Variants in TRMT44 observed in about 807,000 individuals in gnomAD.
TRMT44 encodes tRNA methyltransferase 44 homolog, also known as probable tRNA (uracil-O(2)-)-methyltransferase.
Under a neutral mutation model 77.3 loss-of-function variants are expected in TRMT44, and 78 were observed. That is an observed-to-expected ratio of 1.01 (90% CI 0.84 to 1.22). The LOEUF (loss-of-function observed/expected upper bound fraction) is 1.22. Among genes scored for constraint, TRMT44 ranks in the 50% most tolerant of loss-of-function variants. The probability of loss-of-function intolerance (pLI) is 0.00; values close to 1 mark genes in which losing one functional copy is unlikely to be tolerated. For missense variants in TRMT44, 1,090 were observed against 964.4 expected (o/e 1.13, Z -1.73); for synonymous variants, 391 against 383.3 (o/e 1.02, Z -0.23).
At chr4:8,475,037 C>A (rs1171925580) in intron 10 of TRMT44, among the ~76,000 whole-genome samples, 1 of 152,206 alleles carries the variant, frequency 6.6e-6, no homozygotes, top group African/African-American at 2.4e-5. Flanking sequence ...GGCAGGTCCC[C>A]CTTCGTGTTC....
chr4:8,514,571 G>A, the TRMT44 span, among the ~76,000 whole-genome samples: 1 of 151,870 alleles, frequency 6.6e-6, no homozygotes, highest in African/African-American at 2.4e-5. Context: ...GCCACTGCGT[G>A]CACTACCTTT....
At chr4:8,465,355 G>A (rs1315221999) in intron 7 of TRMT44, 23 bp from the exon 8 acceptor site, 1 of 1,597,504 alleles carries the variant, frequency 6.3e-7, no homozygotes, top group Non-Finnish European at 8.5e-7. Context: ...GCTTGACCCT[G>A]TGGTTGTTGG....
At chr4:8,466,293 C>A (rs891930280) in intron 8 of TRMT44, among the ~76,000 whole-genome samples, 35 of 152,366 alleles carry the variant, frequency 2.3e-4, no homozygotes, top group African/African-American at 8.2e-4. Flanking sequence ...AGTGAAGCCT[C>A]GGCTCTGCTG....
chr4:8,471,134 C>T lies in TRMT44; in HGVS notation c.1978C>T (p.Arg660Trp), dbSNP rs138949000. The T allele has an allele frequency of 4.7e-5, 75 of 1,608,310 alleles. No homozygotes were observed. The highest frequency in any genetic ancestry group is 5.4e-5 in the Non-Finnish European group (63 of 1,177,056). Reference sequence around the variant, plus strand: ...CAACGAGCTGGACACGGAGACCCTGCGGAGGCTGAAGCGGGAGTGTGGGGG... The same window carrying T: ...CAACGAGCTGGACACGGAGACCCTGTGGAGGCTGAAGCGGGAGTGTGGGGG... ...VANELDTETL[R>W]RLKRECGGLQ... Residue 660 changes from arginine to tryptophan, a missense_variant, in exon 10 of 11, where the codon CGG becomes TGG. Physicochemically the swap from Arg to Trp is moderately radical, Grantham distance 101. Transcript: ENST00000389737.
At chr4:8,456,329 C>T (rs1187189820) in intron 6 of TRMT44, among the ~76,000 whole-genome samples, 4 of 152,168 alleles carry the variant, frequency 2.6e-5, no homozygotes, top group Non-Finnish European at 5.9e-5. Flanking sequence ...TGGTATTTTT[C>T]AACGTGTTTG....
intron 2 of TRMT44, among the ~76,000 whole-genome samples, chr4:8,485,930 C>A (rs1371538562): frequency 6.6e-6 from 1 of 152,054 alleles, no homozygotes; most frequent in African/African-American, 2.4e-5. Context: ...AGTGGGTAGC[C>A]CCCGTATCGA....
In TRMT44 at chr4:8,446,105, C is replaced by G. The variant is rs1206485326; in HGVS notation, c.620-371C>G. Among the ~76,000 whole-genome samples the G allele has an allele frequency of 6.6e-6, 1 of 152,218 alleles. No homozygotes were observed. The highest frequency in any genetic ancestry group is 1.5e-5 in the Non-Finnish European group (1 of 68,048). On this transcript the variant is annotated intron_variant, in intron 1 of 10. Transcript: ENST00000389737. This position sits in a 1 kb window ranked among gnomAD's most constrained non-coding sequence, Gnocchi z 4.3. ...TCTGATGGCTGAGCAGTGTTCTGTG[C>G]CTTGCTCACACTCGAAGATCATGGT...
In TRMT44 at chr4:8,476,152, TC is replaced by T; in HGVS notation, c.*152del. ...CATCCTCACAGTGATGAACCGTATT[TC>T]ATAAACATCACACGCCAGAGAAGCC... On this transcript the variant is annotated 3_prime_UTR_variant, in exon 11 of 11. Transcript: ENST00000389737. 1 of 695,548 alleles carries T rather than the reference TC, an allele frequency of 1.4e-6. No individual in the cohort carries two copies. The highest frequency in any genetic ancestry group is 2.4e-6 in the Non-Finnish European group (1 of 420,734). The allele number at this position is 695,548 out of a possible 1,614,324, so 43.1% of individuals were successfully genotyped here.
At chr4:8,499,028 G>A in the TRMT44 span, among the ~76,000 whole-genome samples, 1 of 152,208 alleles carries the variant, frequency 6.6e-6, no homozygotes, top group East Asian at 1.9e-4. Context: ...GTGGCTCCAG[G>A]TGCAGCAGGG....
intron 6 of TRMT44, 41 bp from the exon 7 acceptor site, chr4:8,463,944 T>G: frequency 1.9e-6 from 3 of 1,559,722 alleles, no homozygotes; most frequent in Non-Finnish European, 2.6e-6. Flanking sequence ...AGCTCTACAA[T>G]GATTCACAAA....
At chr4:8,504,855 G>T in the TRMT44 span, among the ~76,000 whole-genome samples, 1 of 152,190 alleles carries the variant, frequency 6.6e-6, no homozygotes, top group African/African-American at 2.4e-5. The surrounding 1 kb of genome is among the most constrained non-coding windows in gnomAD (Gnocchi z 5.3). Context: ...GCTCCCTGGG[G>T]CTGAACGCCA....
chr4:8,441,030 C>T lies in TRMT44; in HGVS notation c.208C>T (p.Arg70Trp). 2.7e-6 allele frequency: 4 copies of T among 1,497,726 alleles called. No individual in the cohort carries two copies. The highest frequency in any genetic ancestry group is 2.2e-5 in the Admixed American group (1 of 44,778). The allele number at this position is 1,497,726 out of a possible 1,614,324, so 92.8% of individuals were successfully genotyped here. A position where few individuals can be genotyped will look rare whatever the true frequency, so the allele number is the denominator to read the frequency against. The change falls in exon 1 of 11, where the codon CGG becomes TGG. Residue 70 changes from arginine to tryptophan, a missense_variant. By Grantham distance (101) the Arg-to-Trp change is moderately radical. Coordinates refer to ENST00000389737, the MANE Select transcript of TRMT44 (RefSeq NM_152544.3). The stretch of plus-strand genomic sequence containing the variant: ...TAGCGCAGGCTCGGAGCAGAAGGAG[C>T]GGGGTCCGGGACCCGGCCAGGGTTC... ...GTSAGSEQKE[R>W]GPGPGQGSPG... is the part of the protein sequence containing the mutation.
At position 8,452,951 on chromosome 4, in the gene TRMT44, G is replaced by C. The variant is rs1217497726; in HGVS notation, c.1093G>C (p.Gly365Arg). The C allele has an allele frequency of 2.0e-6, 3 of 1,532,786 alleles. No homozygotes were observed. The African/African-American group carries it at 4.1e-5, about 21-fold the overall frequency. 94.9% of individuals were successfully genotyped at this position (1,532,786 alleles called of 1,614,324 possible). ...ARQSFVDLGC[G>R]NGLLVHILSS... is the part of the protein sequence containing the mutation. ...GCAGTCCTTTGTGGACCTGGGATGTGGAAATGGCCTCCTGGTCCACATCCT... is the reference window on the plus strand; with the variant it reads ...GCAGTCCTTTGTGGACCTGGGATGTCGAAATGGCCTCCTGGTCCACATCCT... The change falls in exon 5 of 11, where the codon GGA becomes CGA. Residue 365 changes from glycine (G) to arginine (R), a missense_variant. By Grantham distance (125) the Gly-to-Arg change is moderately radical. Coordinates refer to ENST00000389737, the MANE Select transcript of TRMT44 (RefSeq NM_152544.3). The surrounding 1 kb of genome is among the most constrained non-coding windows in gnomAD (Gnocchi z 5.7).
At chr4:8,472,792 T>TGGCTG (rs1276973714) in intron 10 of TRMT44, among the ~76,000 whole-genome samples, 2 of 152,196 alleles carry the variant, frequency 1.3e-5, no homozygotes, top group East Asian at 1.9e-4. Context: ...CTGGGCCTGC[T>TGGCTG]GGCTGGGCTG....
At chr4:8,493,072 A>G (rs903528610) in intron 2 of TRMT44, among the ~76,000 whole-genome samples, 9 of 152,244 alleles carry the variant, frequency 5.9e-5, no homozygotes, top group African/African-American at 1.9e-4. Flanking sequence ...CTTTGAAACA[A>G]AGACAATAAC....
chr4:8,458,007 T>C (rs979026669), intron 6 of TRMT44, among the ~76,000 whole-genome samples: 3 of 152,222 alleles, frequency 2.0e-5, no homozygotes, highest in Non-Finnish European at 4.4e-5. Context: ...AGATGAGTGC[T>C]GCCAACCCAG....
intron 1 of TRMT44, among the ~76,000 whole-genome samples, chr4:8,443,335 T>G (rs1049370668): frequency 6.6e-6 from 1 of 152,200 alleles, no homozygotes; most frequent in Admixed American, 6.5e-5. Flanking sequence ...TTTCTTCCTC[T>G]CAGGGAGGCA....
intron 6 of TRMT44, among the ~76,000 whole-genome samples, chr4:8,457,124 C>G (rs1214661341): frequency 6.6e-6 from 1 of 151,100 alleles, no homozygotes; most frequent in African/African-American, 2.4e-5. Flanking sequence ...ATGAAAGTAC[C>G]CTATTCTGGA....
intron 2 of TRMT44, among the ~76,000 whole-genome samples, chr4:8,484,854 TGA>T (rs2109221278): frequency 6.6e-6 from 1 of 152,260 alleles, no homozygotes; most frequent in African/African-American, 2.4e-5. Flanking sequence ...GGTTGGGGTT[TGA>T]GAGATTAGTT....
Sources: gnomAD v4.1 joint callset for allele counts (sites outside exome capture counted in the v4.1 genomes callset) on GRCh38, gnomAD v4.1.1 for gene constraint, Gnocchi (gnomAD v3.1) non-coding constraint, MANE v1.5 for transcripts, NCBI Gene and HGNC (gene_info 2026-07-23, HGNC 2026-07-21) for gene names.